The following PLXNA4 variants were observed in gnomAD, a reference collection of about 807,000 sequenced individuals.
The protein encoded by PLXNA4 is plexin A4.
Under a neutral mutation model 191.8 loss-of-function variants are expected in PLXNA4, and 44 were observed. The observed-to-expected ratio is 0.23, with a 90% confidence interval of 0.18 to 0.29. PLXNA4 has a LOEUF of 0.29. Ranked by LOEUF, PLXNA4 falls within the 10% of genes least tolerant of loss-of-function variation. The pLI is 1.00. For missense variants in PLXNA4, 1,800 were observed against 2,488.8 expected (o/e 0.72, Z 5.89); for synonymous variants, 1,082 against 1,009.5 (o/e 1.07, Z -1.36).
intron 2 of PLXNA4, among the ~76,000 whole-genome samples, chr7:132,605,516 C>T (rs973499): frequency 0.98 from 148,406 of 152,132 alleles, 72,500 homozygotes; most frequent in East Asian, 1. Flanking sequence ...GCTTGGGGGG[C>T]CTGTTAGGAA....
At position 132,611,148 on chromosome 7, in the gene PLXNA4, T is replaced by C. The variant is rs115624035; in HGVS notation, c.-87+34780A>G. On this transcript the variant is annotated intron_variant, in intron 2 of 4. Coordinates refer to the PLXNA4 transcript ENST00000378539. The stretch of plus-strand genomic sequence containing the variant: ...TAAGAGGGAGAGTTGGCTGTTTCAT[T>C]TGGTGGTTTTCTTTAGCAACACTGA... 8.3e-3 allele frequency among the ~76,000 whole-genome samples: 1,269 copies of C among 152,306 alleles called. 23 individuals carry two copies. Among genetic ancestry groups the C allele is most frequent in the African/African-American group, 0.03 (1,228 of 41,564 alleles).
In PLXNA4 at chr7:132,317,820, G is replaced by C. The variant is rs569762895; in HGVS notation, c.1372-19598C>G. Among the ~76,000 whole-genome samples, 15 of 152,322 alleles carry C rather than the reference G, an allele frequency of 9.8e-5. No individual in the cohort carries two copies. In the South Asian group the frequency reaches 1.7e-3, roughly 17 times the overall value. ...CCAGTTGTAGGGAGCCTCTCAGCCT[G>C]CTCCCTCCCTCAGCTGGCTCAGGTT... is the stretch of plus-strand genomic sequence containing the variant. On this transcript the variant is annotated intron_variant, in intron 3 of 31. Coordinates refer to ENST00000321063, the MANE Select transcript of PLXNA4 (RefSeq NM_020911.2).
intron 14 of PLXNA4, among the ~76,000 whole-genome samples, chr7:132,192,548 TG>T (rs1202202353): frequency 8.1e-6 from 1 of 123,312 alleles, no homozygotes; most frequent in Non-Finnish European, 1.7e-5. Flanking sequence ...AGGCGAGGGG[TG>T]GGGGTGCAGA....
intron 3 of PLXNA4, among the ~76,000 whole-genome samples, chr7:132,360,929 T>C (rs942104824): frequency 2.6e-5 from 4 of 152,240 alleles, no homozygotes; most frequent in Admixed American, 2.6e-4. Flanking sequence ...GGCTTTGTTC[T>C]TAACCTGGCA....
At position 132,130,434 on chromosome 7, in the gene PLXNA4, C is replaced by T. The variant is rs1358514431; in HGVS notation, c.*45G>A. 21 of 1,613,350 alleles carry T rather than the reference C, an allele frequency of 1.3e-5. No homozygotes were observed. Among genetic ancestry groups the T allele is most frequent in the South Asian group, 1.1e-4 (10 of 91,054 alleles). ...AAAGATGATAATCTAGACTGAGGCACGGCTTGGTGTGTCCCCCTCCAGGGC... is the reference window on the plus strand; with the variant it reads ...AAAGATGATAATCTAGACTGAGGCATGGCTTGGTGTGTCCCCCTCCAGGGC... On this transcript the variant is annotated 3_prime_UTR_variant, in exon 32 of 32. Coordinates refer to ENST00000321063, the MANE Select transcript of PLXNA4 (RefSeq NM_020911.2).
At chr7:132,365,358 T>TGTGTGTGCGCGCGCGC (rs377067193) in intron 3 of PLXNA4, among the ~76,000 whole-genome samples, 1 of 133,648 alleles carries the variant, frequency 7.5e-6, no homozygotes, top group East Asian at 2.1e-4. Flanking sequence ...TGTGTGTGTG[T>TGTGTGTGCGCGCGCGC]GTGCGTGCGC....
chr7:132,211,132 C>T lies in PLXNA4; in HGVS notation c.2109G>A (p.Gln703=). The change falls in exon 10 of 32, where the codon CAG becomes CAA. Residue 703 remains glutamine (Q), a synonymous_variant. Coordinates refer to ENST00000321063, the MANE Select transcript of PLXNA4 (RefSeq NM_020911.2). The part of the protein sequence containing the change: ...GRVKLPEDCP[Q]LLRVDKILVP... ...CCAGGATCTTGTCCACTCGCAGCAG[C>T]TGGGGGCAGTCCTGGGGACAGAGGG... is the stretch of plus-strand genomic sequence containing the variant. 1.9e-6 allele frequency: 3 copies of T among 1,558,866 alleles called. No homozygotes were observed. Among genetic ancestry groups the T allele is most frequent in the Non-Finnish European group, 1.7e-6 (2 of 1,151,026 alleles).
intron 2 of PLXNA4, among the ~76,000 whole-genome samples, chr7:132,607,023 T>C (rs989756933): frequency 2.0e-5 from 3 of 152,216 alleles, no homozygotes; most frequent in African/African-American, 7.2e-5. Flanking sequence ...TTCTGAATCA[T>C]GATCCTGGAT....
intron 26 of PLXNA4, 74 bp from the exon 27 acceptor site, chr7:132,148,073 G>T (rs1259579669): frequency 2.5e-6 from 4 of 1,608,910 alleles, no homozygotes; most frequent in Admixed American, 1.7e-5. Flanking sequence ...AAATCATGAT[G>T]AACTTGGCAC....
intron 29 of PLXNA4, among the ~76,000 whole-genome samples, chr7:132,144,024 C>T (rs889101880): frequency 3.9e-5 from 6 of 152,176 alleles, no homozygotes; most frequent in African/African-American, 1.4e-4. Context: ...CTGACTTCTG[C>T]CTTCATCTGT....
chr7:132,463,064 G>C (rs1796574188), intron 3 of PLXNA4, among the ~76,000 whole-genome samples: 1 of 151,874 alleles, frequency 6.6e-6, no homozygotes, highest in Non-Finnish European at 1.5e-5. Context: ...TGGCCAGGTT[G>C]GTCTCTAACT....
rs369380493 is a variant in PLXNA4 at position 132,348,110 on chromosome 7, G to A, written c.1372-49888C>T. On this transcript the variant is annotated intron_variant, in intron 3 of 31. Coordinates refer to ENST00000321063, the MANE Select transcript of PLXNA4 (RefSeq NM_020911.2). ...AACCTGGCCTTCCTTCTCCCTACCC[G>A]CCCATTACTCAATTGGAAAGATTAG... Among the ~76,000 whole-genome samples the A allele has an allele frequency of 3.9e-4, 59 of 152,230 alleles. 2 individuals are homozygous for A. The highest frequency in any genetic ancestry group is 1.4e-3 in the African/African-American group (58 of 41,536).
chr7:132,640,980 C>G (rs568188817), intron 2 of PLXNA4, among the ~76,000 whole-genome samples: 1 of 152,356 alleles, frequency 6.6e-6, no homozygotes, highest in South Asian at 2.1e-4. Context: ...GAATCACTTT[C>G]CAACTCAGAC....
intron 2 of PLXNA4, among the ~76,000 whole-genome samples, chr7:132,496,774 C>T (rs375282242): frequency 1.3e-5 from 2 of 152,246 alleles, no homozygotes; most frequent in African/African-American, 4.8e-5. Context: ...ATTCCAGGAT[C>T]AGAGGAAGGC....
chr7:132,405,439 T>C (rs1263154271), intron 3 of PLXNA4, among the ~76,000 whole-genome samples: 1 of 152,126 alleles, frequency 6.6e-6, no homozygotes, highest in Admixed American at 6.5e-5. Flanking sequence ...ATCTCACTCT[T>C]CCTTGGTTCA....
chr7:132,442,216 G>A (rs1795723152), intron 3 of PLXNA4, among the ~76,000 whole-genome samples: 1 of 152,204 alleles, frequency 6.6e-6, no homozygotes. Flanking sequence ...CAAAGAGTGG[G>A]AGATTAAGGG....
chr7:132,298,738 C>CT (rs1248619528), intron 3 of PLXNA4, among the ~76,000 whole-genome samples: 1 of 152,326 alleles, frequency 6.6e-6, no homozygotes, highest in Non-Finnish European at 1.5e-5. Flanking sequence ...CTAAGGGTCT[C>CT]TTTTTTTGCC....
rs150419939 is a variant in PLXNA4, at chr7:132,269,056, T to A, written c.1504-27890A>T. The stretch of plus-strand genomic sequence containing the variant: ...TCTTAATATTTGGAATGTGTCCACA[T>A]GACACTGGACACATGCGTCCTCCCC... On this transcript the variant is annotated intron_variant, in intron 4 of 31. Coordinates refer to ENST00000321063, the MANE Select transcript of PLXNA4 (RefSeq NM_020911.2). Among the ~76,000 whole-genome samples, 1,202 of 152,276 alleles carry A rather than the reference T, an allele frequency of 7.9e-3. 27 individuals carry two copies. Among genetic ancestry groups the A allele is most frequent in the African/African-American group, 0.027 (1,124 of 41,552 alleles).
At chr7:132,437,404 G>C (rs370832859) in intron 3 of PLXNA4, among the ~76,000 whole-genome samples, 1 of 152,192 alleles carries the variant, frequency 6.6e-6, no homozygotes, top group South Asian at 2.1e-4. Context: ...ACGTGTGTGT[G>C]CATGTTTGCA....
Sources: allele counts gnomAD v4.1 joint callset (sites outside exome capture counted in the v4.1 genomes callset), GRCh38; gene constraint gnomAD v4.1.1; transcripts MANE v1.5; gene names NCBI Gene and HGNC (gene_info 2026-07-23, HGNC 2026-07-21).